The following RIMBP2 variants were observed in gnomAD, a reference collection of about 807,000 sequenced individuals.
RIMBP2 encodes the protein RIMS-binding protein 2.
Under a neutral mutation model 118.6 loss-of-function variants are expected in RIMBP2, and 48 were observed. The ratio of observed to expected loss-of-function variants is 0.40; its 90% confidence interval spans 0.32 to 0.51. RIMBP2 has a LOEUF of 0.51. Among genes scored for constraint, RIMBP2 ranks in the 20% least tolerant of loss-of-function variants. RIMBP2 has a pLI of 0.41. For missense variants in RIMBP2, 1,551 were observed against 1,768.3 expected (o/e 0.88, Z 2.20); for synonymous variants, 762 against 742.9 (o/e 1.03, Z -0.42).
intron 2 of RIMBP2, among the ~76,000 whole-genome samples, chr12:130,528,852 C>T (rs77983886): frequency 0.022 from 3,346 of 152,252 alleles, 124 homozygotes; most frequent in African/African-American, 0.074. Context: ...CATATATTTC[C>T]AGTGGAGATG....
chr12:130,433,296 C>T (rs1037514208), intron 14 of RIMBP2, among the ~76,000 whole-genome samples: 177 of 152,314 alleles, frequency 1.2e-3, no homozygotes, highest in African/African-American at 4.1e-3. Context: ...CACTAAAACC[C>T]GCCCCATGTG....
At position 130,532,143 on chromosome 12, in the gene RIMBP2, G is replaced by A. The variant is rs11060974; in HGVS notation, c.-216-14226C>T. The stretch of plus-strand genomic sequence containing the variant: ...CGTGTGTGTAGCCTCTAGGAGTTAC[G>A]TCTAATGAGATGCGTGTGTTTAGCC... On this transcript the variant is annotated intron_variant, in intron 2 of 22. Transcript: ENST00000690449. 2.4e-3 allele frequency among the ~76,000 whole-genome samples: 349 copies of A among 145,946 alleles called. 1 individual carries two copies. The highest frequency in any genetic ancestry group is 3.6e-3 in the Middle Eastern group (1 of 280).
chr12:130,438,334 A>AGGCCCCCCCCCCCC, intron 12 of RIMBP2, 31 bp downstream of exon 12: 4 of 1,344,514 alleles, frequency 3.0e-6, no homozygotes, highest in Non-Finnish European at 4.3e-6. Flanking sequence ...GGGCCTAACA[A>AGGCCCCCCCCCCCC]ACCCTCCCCA....
intron 2 of RIMBP2, among the ~76,000 whole-genome samples, chr12:130,531,134 A>G (rs2053331098): frequency 1.3e-5 from 2 of 152,274 alleles, no homozygotes; most frequent in Non-Finnish European, 2.9e-5. Flanking sequence ...GGCCATAGAA[A>G]TCAGACAAAA....
At chr12:130,639,103 C>T (rs1028593466) in intron 1 of RIMBP2, among the ~76,000 whole-genome samples, 2 of 152,074 alleles carry the variant, frequency 1.3e-5, no homozygotes, top group Non-Finnish European at 2.9e-5. Flanking sequence ...TTAATAAAAG[C>T]CTGGCCGGGC....
intron 1 of RIMBP2, among the ~76,000 whole-genome samples, chr12:130,666,721 G>T (rs1338401616): frequency 6.9e-6 from 1 of 144,674 alleles, no homozygotes; most frequent in African/African-American, 2.6e-5. Context: ...GGGAGGAAGG[G>T]AGAAGGGAAG....
chr12:130,477,704 C>G (rs548403832), intron 5 of RIMBP2, among the ~76,000 whole-genome samples: 3 of 152,360 alleles, frequency 2.0e-5, no homozygotes, highest in Admixed American at 6.5e-5. Flanking sequence ...CTAATAAACT[C>G]TGGAGGAGAA....
chr12:130,536,404 C>G (rs1003022856), intron 2 of RIMBP2, among the ~76,000 whole-genome samples: 1 of 152,206 alleles, frequency 6.6e-6, no homozygotes, highest in African/African-American at 2.4e-5. Flanking sequence ...GAATGAAGAC[C>G]AAGCTCTCGC....
chr12:130,647,863 G>C (rs1303637170), intron 1 of RIMBP2, among the ~76,000 whole-genome samples: 1 of 145,816 alleles, frequency 6.9e-6, no homozygotes, highest in Non-Finnish European at 1.6e-5. Flanking sequence ...GGCAGTCCGG[G>C]TCTTCCACAT....
intron 6 of RIMBP2, 62 bp from the exon 7 acceptor site, chr12:130,456,762 G>A (rs766385346): frequency 1.4e-5 from 18 of 1,282,804 alleles, no homozygotes; most frequent in East Asian, 9.8e-5. Context: ...ATGTGTGTGC[G>A]CCTGTTCACA....
intron 22 of RIMBP2, chr12:130,398,766 G>T (rs1476602712): frequency 6.4e-6 from 1 of 155,350 alleles, no homozygotes; most frequent in African/African-American, 2.4e-5. Flanking sequence ...ATGTTTGTTA[G>T]GTTGTGCTTT....
intron 2 of RIMBP2, among the ~76,000 whole-genome samples, chr12:130,605,447 T>C (rs2060127036): frequency 6.6e-6 from 1 of 152,156 alleles, no homozygotes; most frequent in Non-Finnish European, 1.5e-5. Flanking sequence ...TAACAAGGTA[T>C]AAAAAATGTC....
At chr12:130,664,393 ACACACG>A (rs2063789160) in intron 1 of RIMBP2, among the ~76,000 whole-genome samples, 1 of 58,414 alleles carries the variant, frequency 1.7e-5, no homozygotes, top group Non-Finnish European at 4.7e-5. Context: ...GCGCATGCAC[ACACACG>A]CACGCACGCA....
intron 1 of RIMBP2, among the ~76,000 whole-genome samples, chr12:130,707,528 C>T (rs1216324859): frequency 6.6e-6 from 1 of 152,146 alleles, no homozygotes; most frequent in Non-Finnish European, 1.5e-5. Flanking sequence ...GCCTTCCAGA[C>T]AAAGACATGA....
intron 1 of RIMBP2, among the ~76,000 whole-genome samples, chr12:130,673,265 C>G (rs150114806): frequency 6.6e-6 from 1 of 152,222 alleles, no homozygotes; most frequent in Non-Finnish European, 1.5e-5. Context: ...CGTCTGCCAA[C>G]CTCATCCTGG....
At chr12:130,546,227 C>G (rs1237751109) in intron 2 of RIMBP2, among the ~76,000 whole-genome samples, 13 of 151,758 alleles carry the variant, frequency 8.6e-5, no homozygotes, top group African/African-American at 3.1e-4. Context: ...CCTCAGCCAC[C>G]CGAGTAGCTG....
In RIMBP2 at chr12:130,623,144, A is replaced by T. The variant is rs1230883723; in HGVS notation, c.-217+5178T>A. ...ACTGAATACTATTAAAGACTGAGGT[A>T]ATTCCATCCTGCATTATTGAATTTA... On this transcript the variant is annotated intron_variant, in intron 2 of 22. Transcript: ENST00000690449. This position sits in a 1 kb window ranked among gnomAD's most constrained non-coding sequence, Gnocchi z 4.1. Among the ~76,000 whole-genome samples, 1 of 152,240 alleles carries T rather than the reference A, an allele frequency of 6.6e-6. No individual in the cohort carries two copies. Among genetic ancestry groups the T allele is most frequent in the Non-Finnish European group, 1.5e-5 (1 of 68,042 alleles).
chr12:130,438,503 G>C lies in RIMBP2; in HGVS notation c.1518C>G (p.Pro506=), dbSNP rs750044547. Residue 506 remains proline (P), a synonymous_variant, in exon 12 of 23, where the codon CCC becomes CCG. Coordinates refer to ENST00000690449, the MANE Select transcript of RIMBP2 (RefSeq NM_001393629.1). ...FSTLPAGPPA[P]PQDVTVQAGV... is the part of the protein sequence containing the mutation. Reference sequence around the variant, plus strand: ...CAGCCTGGACGGTAACATCTTGTGGGGGTGCTGGGGGTCCTGGGAGGGGAC... The same window carrying C: ...CAGCCTGGACGGTAACATCTTGTGGCGGTGCTGGGGGTCCTGGGAGGGGAC... 5 of 1,604,072 alleles carry C rather than the reference G, an allele frequency of 3.1e-6. No homozygotes were observed. The highest frequency in any genetic ancestry group is 4.5e-5 in the East Asian group (2 of 44,618).
chr12:130,408,988 C>T (rs2075441251), intron 19 of RIMBP2, among the ~76,000 whole-genome samples: 1 of 149,480 alleles, frequency 6.7e-6, no homozygotes, highest in African/African-American at 2.4e-5. Flanking sequence ...CACATGTGTC[C>T]TCTGCAGGAC....
Sources: gnomAD v4.1 joint callset for allele counts (sites outside exome capture counted in the v4.1 genomes callset) on GRCh38, gnomAD v4.1.1 for gene constraint, Gnocchi (gnomAD v3.1) non-coding constraint, MANE v1.5 for transcripts, NCBI Gene and HGNC (gene_info 2026-07-23, HGNC 2026-07-21) for gene names.